The following ARHGAP18 variants were observed in gnomAD, a reference collection of about 807,000 sequenced individuals.
ARHGAP18 encodes the protein Rho GTPase activating protein 18.
In ARHGAP18, 67 loss-of-function variants were observed where a neutral mutation model predicts 86.2. The observed-to-expected ratio is 0.78, with a 90% confidence interval of 0.64 to 0.95. The LOEUF is 0.95. ARHGAP18 is among the 40% of genes least tolerant of loss of function. ARHGAP18 has a pLI of 0.00. For missense variants in ARHGAP18, 691 were observed against 780.4 expected, an observed-to-expected ratio of 0.89 and a Z score of 1.37; for synonymous variants, 283 against 280.4, an observed-to-expected ratio of 1.01 and a Z score of -0.09.
chr6:129,625,474 TTTATA>T (rs1339172973), intron 5 of ARHGAP18, among the ~76,000 whole-genome samples: 3 of 38,364 alleles, frequency 7.8e-5, no homozygotes, highest in Non-Finnish European at 1.4e-4. Flanking sequence ...TAATATATAT[TTTATA>T]TTATATATTA....
chr6:129,650,707 C>A (rs1773691566), intron 1 of ARHGAP18, among the ~76,000 whole-genome samples: 1 of 152,208 alleles, frequency 6.6e-6, no homozygotes, highest in South Asian at 2.1e-4. Context: ...TGACTTGCAT[C>A]CACCTGATAC....
At chr6:129,707,446 T>G (rs1774819625) in intron 1 of ARHGAP18, among the ~76,000 whole-genome samples, 1 of 152,010 alleles carries the variant, frequency 6.6e-6, no homozygotes, top group South Asian at 2.1e-4. Flanking sequence ...AAATGCAGAA[T>G]CTAATTTAGC....
At chr6:129,595,463 G>A (rs1452010018) in intron 12 of ARHGAP18, among the ~76,000 whole-genome samples, 1 of 152,144 alleles carries the variant, frequency 6.6e-6, no homozygotes, top group African/African-American at 2.4e-5. Context: ...CTCTTTGGAG[G>A]AATATCTGAG....
chr6:129,655,311 C>G (rs1773803294), intron 1 of ARHGAP18, among the ~76,000 whole-genome samples: 1 of 72,024 alleles, frequency 1.4e-5, no homozygotes. Context: ...AAGAGCAAAA[C>G]TCTCTCAAAA....
intron 1 of ARHGAP18, among the ~76,000 whole-genome samples, chr6:129,686,940 G>A (rs1304628768): frequency 6.7e-6 from 1 of 149,852 alleles, no homozygotes; most frequent in South Asian, 2.1e-4. Context: ...ACAGGCACCG[G>A]CCACCACACC....
At chr6:129,686,967 CTTTTT>C (rs755926635) in intron 1 of ARHGAP18, among the ~76,000 whole-genome samples, 819 of 72,452 alleles carry the variant, frequency 0.011, 13 homozygotes, top group Non-Finnish European at 0.013. Flanking sequence ...ATTTTTTTTT[CTTTTT>C]TTTTTCTTTT....
intron 2 of ARHGAP18, among the ~76,000 whole-genome samples, chr6:129,640,062 A>AT (rs1773420814): frequency 7.2e-6 from 1 of 139,184 alleles, no homozygotes; most frequent in African/African-American, 2.7e-5. Flanking sequence ...AAAAAAAAAA[A>AT]AACAAACAAA....
At chr6:129,659,040 C>T (rs1773897649) in intron 1 of ARHGAP18, among the ~76,000 whole-genome samples, 1 of 152,174 alleles carries the variant, frequency 6.6e-6, no homozygotes, top group South Asian at 2.1e-4. Flanking sequence ...TTAACCCACG[C>T]AATATACACC....
chr6:129,683,865 G>GT (rs776428491), intron 1 of ARHGAP18, among the ~76,000 whole-genome samples: 2 of 152,198 alleles, frequency 1.3e-5, no homozygotes, highest in African/African-American at 2.4e-5. Context: ...TGTAACCACG[G>GT]CGGGGGGGAG....
intron 1 of ARHGAP18, among the ~76,000 whole-genome samples, chr6:129,706,331 G>C (rs1774801826): frequency 6.6e-6 from 1 of 152,180 alleles, no homozygotes; most frequent in South Asian, 2.1e-4. Context: ...ACATTCAACT[G>C]TGTACAAGTC....
Position 129,607,878 on chromosome 6 carries a change from A to C in ARHGAP18, c.1282+15T>G, listed in dbSNP as rs1183077901. ...CACCAGCAGAAGGACTGCTTCAAAGAGGGATAGCACTTACTCTGGACAGCC... is the reference window on the plus strand; with the variant it reads ...CACCAGCAGAAGGACTGCTTCAAAGCGGGATAGCACTTACTCTGGACAGCC... On this transcript the variant is annotated intron_variant, in intron 9 of 14. Transcript: ENST00000368149. 6.4e-7 allele frequency: 1 copy of C among 1,571,848 alleles called. No individual in the cohort carries two copies. The highest frequency in any genetic ancestry group is 1.2e-5 in the South Asian group (1 of 83,560).
intron 5 of ARHGAP18, among the ~76,000 whole-genome samples, chr6:129,626,672 TACACACACACACAC>T (rs66753341): frequency 6.8e-6 from 1 of 147,062 alleles, no homozygotes; most frequent in Non-Finnish European, 1.5e-5. Context: ...CACACACACA[TACACACACACACAC>T]ACACACACAC....
intron 12 of ARHGAP18, among the ~76,000 whole-genome samples, chr6:129,585,384 T>C (rs960686443): frequency 6.6e-6 from 1 of 152,188 alleles, no homozygotes; most frequent in Non-Finnish European, 1.5e-5. Context: ...ACACAAATAA[T>C]ATACCTTTAG....
chr6:129,677,859 A>G (rs1424475792), intron 1 of ARHGAP18, among the ~76,000 whole-genome samples: 1 of 152,150 alleles, frequency 6.6e-6, no homozygotes, highest in Non-Finnish European at 1.5e-5. Context: ...TTTGCTCCCA[A>G]ACTTCAGCAC....
intron 1 of ARHGAP18, among the ~76,000 whole-genome samples, chr6:129,666,250 C>T (rs1446429757): frequency 1.3e-5 from 2 of 152,218 alleles, no homozygotes; most frequent in East Asian, 1.9e-4. Context: ...GAGGGTTATT[C>T]TGCCTCCCAG....
At position 129,674,881 on chromosome 6, in the gene ARHGAP18, G is replaced by T. The variant is rs375073796; in HGVS notation, c.114-32863C>A. The stretch of plus-strand genomic sequence containing the variant: ...ATCAGTTCGCTATCACATATTAAGT[G>T]TGGCCAACTGAATCTATGATTATTT... On this transcript the variant is annotated intron_variant, in intron 1 of 14. Coordinates refer to ENST00000368149, the MANE Select transcript of ARHGAP18 (RefSeq NM_033515.3). Among the ~76,000 whole-genome samples the T allele has an allele frequency of 1.8e-4, 28 of 152,222 alleles. No homozygotes were observed. The East Asian group carries it at 4.1e-3, about 22-fold the overall frequency.
chr6:129,656,530 A>G (rs375010897), intron 1 of ARHGAP18, among the ~76,000 whole-genome samples: 2 of 152,186 alleles, frequency 1.3e-5, no homozygotes, highest in Non-Finnish European at 1.5e-5. Context: ...AATCCCAGCT[A>G]CTTGGGAAGC....
chr6:129,576,711 A>G lies in ARHGAP18; in HGVS notation c.*1802T>C, dbSNP rs765323194. The G allele has an allele frequency of 6.6e-6, 1 of 152,056 alleles. No individual in the cohort carries two copies. The highest frequency in any genetic ancestry group is 2.4e-5 in the African/African-American group (1 of 41,410). The allele number at this position is 152,056 out of a possible 1,614,324, so 9.4% of individuals were successfully genotyped here. On this transcript the variant is annotated 3_prime_UTR_variant, in exon 15 of 15. Transcript: ENST00000368149. ...ATGCTTCAGACAACCTTTTACTTAA[A>G]TCATTATCCTCACTGCTATCTTTTT...
intron 7 of ARHGAP18, among the ~76,000 whole-genome samples, chr6:129,614,789 G>T (rs1293004154): frequency 6.9e-6 from 1 of 144,616 alleles, no homozygotes; most frequent in East Asian, 2.0e-4. Context: ...AGTAGACTGT[G>T]AATAATGAAA....
Sources: allele counts gnomAD v4.1 joint callset (sites outside exome capture counted in the v4.1 genomes callset), GRCh38; gene constraint gnomAD v4.1.1; transcripts MANE v1.5; gene names NCBI Gene and HGNC (gene_info 2026-07-23, HGNC 2026-07-21).